Variants in DYSF observed in about 807,000 individuals in gnomAD.
DYSF encodes the protein dystrophy-associated fer-1-like 1.
DYSF carries 212 observed loss-of-function variants against 274.9 expected under a neutral mutation model. The ratio of observed to expected loss-of-function variants is 0.77; its 90% CI spans 0.69 to 0.86. The LOEUF (loss-of-function observed/expected upper bound fraction) is 0.86, where lower values mean the gene tolerates loss of function less well. Ranked by LOEUF, DYSF falls within the 40% of genes least tolerant of loss-of-function variation. The probability of loss-of-function intolerance (pLI) is 0.00; values close to 1 mark genes in which losing one functional copy is unlikely to be tolerated. For missense variants in DYSF, 2,666 were observed against 2,783.2 expected (o/e 0.96, Z 0.95); for synonymous variants, 1,091 against 1,078.7 (o/e 1.01, Z -0.22).
upstream of DYSF, among the ~76,000 whole-genome samples, chr2:71,463,744 T>G (rs1026334372): frequency 6.6e-6 from 1 of 152,260 alleles, no homozygotes; most frequent in Admixed American, 6.5e-5. Context: ...GGCTTCTCTA[T>G]TCATGGCATA....
intron 3 of DYSF, among the ~76,000 whole-genome samples, chr2:71,502,938 TG>T (rs751833687): frequency 6.6e-6 from 1 of 152,028 alleles, no homozygotes; most frequent in Non-Finnish European, 1.5e-5. Context: ...GCTGGGCCTC[TG>T]GGGAGGGGCA....
chr2:71,604,731 C>T (rs1310727498), intron 36 of DYSF, among the ~76,000 whole-genome samples: 1 of 152,214 alleles, frequency 6.6e-6, no homozygotes, highest in Non-Finnish European at 1.5e-5. Flanking sequence ...CTAGCGCAGC[C>T]AGGTGCAGAG....
At chr2:71,556,655 C>G (rs75832806) in intron 22 of DYSF, among the ~76,000 whole-genome samples, 1 of 152,070 alleles carries the variant, frequency 6.6e-6, no homozygotes, top group Non-Finnish European at 1.5e-5. Context: ...AGTGCCTGGC[C>G]CTTGGGAAGG....
chr2:71,556,614 G>T (rs2091359279), intron 22 of DYSF, among the ~76,000 whole-genome samples: 1 of 152,190 alleles, frequency 6.6e-6, no homozygotes, highest in South Asian at 2.1e-4. Flanking sequence ...CTGGCATGAA[G>T]AATAACTACT....
At chr2:71,618,434 G>GGT (rs1558640252) in intron 40 of DYSF, among the ~76,000 whole-genome samples, 19 of 45,708 alleles carry the variant, frequency 4.2e-4, no homozygotes, top group Admixed American at 5.2e-4. Context: ...GTAGAGGTGG[G>GGT]GTGTGTGTGG....
chr2:71,471,089 C>G (rs1037331427), intron 1 of DYSF, among the ~76,000 whole-genome samples: 4 of 152,150 alleles, frequency 2.6e-5, no homozygotes, highest in Admixed American at 2.6e-4. Context: ...AGCCACCCCG[C>G]CTAGCCTGTT....
chr2:71,507,379 A>C (rs868206344), intron 4 of DYSF, among the ~76,000 whole-genome samples: 1 of 152,212 alleles, frequency 6.6e-6, no homozygotes, highest in South Asian at 2.1e-4. Flanking sequence ...TAACACTGCA[A>C]TCTGCAAAAT....
intron 32 of DYSF, among the ~76,000 whole-genome samples, chr2:71,590,727 C>A (rs1031566835): frequency 6.6e-6 from 1 of 152,218 alleles, no homozygotes; most frequent in Non-Finnish European, 1.5e-5. Flanking sequence ...CCTTGCTCCC[C>A]AGCTCCCCCC....
At chr2:71,678,925 C>G in intron 52 of DYSF, 132 bp from the exon 53 acceptor site, 1 of 776,936 alleles carries the variant, frequency 1.3e-6, no homozygotes, top group Admixed American at 2.0e-5. Flanking sequence ...GAGATTTTAC[C>G]TGTGGCTCGG....
chr2:71,530,205 G>A (rs999407777), intron 14 of DYSF, among the ~76,000 whole-genome samples: 4 of 152,006 alleles, frequency 2.6e-5, no homozygotes, highest in African/African-American at 9.6e-5. Flanking sequence ...AGGAAGCTGC[G>A]GCTGTACGTT....
rs576440812 is a variant in DYSF, at chr2:71,681,895, C to T, written c.6174-635C>T. On this transcript the variant is annotated intron_variant, in intron 54 of 55. Coordinates refer to ENST00000410020, the MANE Select transcript of DYSF (RefSeq NM_001130987.2). Reference sequence around the variant, plus strand: ...GGGCTGGCAGAGCAGTGAGAGGCACCCTTGCCTAAGGATGCTGGGATCTGC... The same window carrying T: ...GGGCTGGCAGAGCAGTGAGAGGCACTCTTGCCTAAGGATGCTGGGATCTGC... Among the ~76,000 whole-genome samples, 4 of 152,270 alleles carry T rather than the reference C, an allele frequency of 2.6e-5. No individual in the cohort carries two copies. The East Asian group carries it at 7.7e-4, about 29-fold the overall frequency.
At chr2:71,597,431 C>T (rs897053901) in intron 32 of DYSF, among the ~76,000 whole-genome samples, 2 of 152,162 alleles carry the variant, frequency 1.3e-5, no homozygotes, top group African/African-American at 4.8e-5. Context: ...GCACTCAGAC[C>T]CTCTCCTGCA....
At chr2:71,499,729 G>T (rs1181802186) in intron 3 of DYSF, among the ~76,000 whole-genome samples, 11 of 152,174 alleles carry the variant, frequency 7.2e-5, no homozygotes. Context: ...CTTTGGGTTG[G>T]CAGCGGCTCT....
intron 51 of DYSF, among the ~76,000 whole-genome samples, chr2:71,670,307 G>A (rs2095096763): frequency 6.6e-6 from 1 of 152,222 alleles, no homozygotes; most frequent in South Asian, 2.1e-4. Context: ...GGACCATGGG[G>A]TCTGAGTGGG....
chr2:71,513,415 G>T, intron 6 of DYSF, 83 bp downstream of exon 6: 2 of 1,430,728 alleles, frequency 1.4e-6, no homozygotes, highest in South Asian at 1.3e-5. Flanking sequence ...TTGCTGGAGC[G>T]GGGCCAGGTG....
intron 35 of DYSF, 77 bp from the exon 36 acceptor site, chr2:71,602,699 A>C: frequency 6.6e-7 from 1 of 1,525,480 alleles, no homozygotes; most frequent in Non-Finnish European, 9.0e-7. Flanking sequence ...GCGCCTTGAT[A>C]CTAATAGAGA....
chr2:71,571,908 GA>G (rs2092497005), intron 29 of DYSF, among the ~76,000 whole-genome samples: 1 of 113,106 alleles, frequency 8.8e-6, no homozygotes, highest in Non-Finnish European at 1.8e-5. Flanking sequence ...CACACACACA[GA>G]TCACACCCAG....
intron 27 of DYSF, 107 bp downstream of exon 27, chr2:71,570,041 C>T (rs997119307): frequency 1.5e-5 from 18 of 1,180,586 alleles, no homozygotes; most frequent in Admixed American, 3.8e-5. Flanking sequence ...CTCTTACCTC[C>T]GGAGACTTCA....
At chr2:71,549,412 G>T (rs752507071) in intron 17 of DYSF, 1 of 1,609,142 alleles carries the variant, frequency 6.2e-7, no homozygotes. Flanking sequence ...GTCACCTTGG[G>T]GACAACCAGG....
Sources: gnomAD v4.1 joint callset for allele counts (sites outside exome capture counted in the v4.1 genomes callset) on GRCh38, gnomAD v4.1.1 for gene constraint, MANE v1.5 for transcripts, NCBI Gene and HGNC (gene_info 2026-07-23, HGNC 2026-07-21) for gene names.